ARHGEF37: variants seen among roughly 807,000 people sequenced by gnomAD.
The protein encoded by ARHGEF37 is Rho guanine nucleotide exchange factor (GEF) 37.
A neutral mutation model predicts 71.1 loss-of-function variants in ARHGEF37; 55 were observed. The observed-to-expected ratio is 0.77, with a 90% CI of 0.62 to 0.97. The LOEUF is 0.97. ARHGEF37 is among the 50% of genes least tolerant of loss of function. The pLI, the probability that ARHGEF37 is intolerant of heterozygous loss-of-function variation, is 0.00. For missense variants in ARHGEF37, 765 were observed against 836.8 expected, an observed-to-expected ratio of 0.91 and a Z score of 1.06; for synonymous variants, 327 against 350.6, an observed-to-expected ratio of 0.93 and a Z score of 0.75.
At chr5:149,603,692 T>G (rs12516409) in intron 3 of ARHGEF37, among the ~76,000 whole-genome samples, 40,307 of 152,100 alleles carry the variant, frequency 0.27, 6,435 homozygotes, top group Admixed American at 0.44. Context: ...TCCCAGCACT[T>G]TGGGAAGCTA....
intron 10 of ARHGEF37, 185 bp from the exon 11 acceptor site, chr5:149,626,891 G>A (rs1321902134): frequency 2.6e-5 from 12 of 468,514 alleles, no homozygotes; most frequent in South Asian, 1.4e-4. Flanking sequence ...CCAAAACGCC[G>A]TAGGCTGCTA....
At chr5:149,603,765 G>A (rs949723887) in intron 3 of ARHGEF37, among the ~76,000 whole-genome samples, 2 of 152,038 alleles carry the variant, frequency 1.3e-5, no homozygotes, top group Non-Finnish European at 2.9e-5. Flanking sequence ...GTGAAACCCC[G>A]TCTCTACTAA....
rs58959997 is a variant in ARHGEF37, at chr5:149,558,691, A to ATGTG, written c.-12+6612_-12+6615dup. The stretch of plus-strand genomic sequence containing the variant: ...ATGATCTTTAAAAAACCATATATAT[A>ATGTG]TGTGTGTGTGTGTGTGTGTGTGTGT... On this transcript the variant is annotated intron_variant, in intron 1 of 2. Transcript: ENST00000505810. Among the ~76,000 whole-genome samples, 469 of 128,042 alleles carry ATGTG rather than the reference A, an allele frequency of 3.7e-3. 3 individuals are homozygous for ATGTG. The highest frequency in any genetic ancestry group is 4.9e-3 in the Admixed American group (66 of 13,408). 84.0% of individuals were successfully genotyped at this position (128,042 alleles called of 152,430 possible).
chr5:149,588,358 A>G (rs531925466), intron 1 of ARHGEF37, among the ~76,000 whole-genome samples: 1 of 152,164 alleles, frequency 6.6e-6, no homozygotes. Flanking sequence ...GTGCAGTGGC[A>G]TGATCTCAGC....
intron 4 of ARHGEF37, among the ~76,000 whole-genome samples, chr5:149,615,027 A>C (rs965629337): frequency 6.6e-6 from 1 of 152,130 alleles, no homozygotes; most frequent in Non-Finnish European, 1.5e-5. Context: ...CCCTTCCCGG[A>C]TGCTATTGAC....
intron 5 of ARHGEF37, among the ~76,000 whole-genome samples, chr5:149,617,706 G>A (rs1752417480): frequency 6.6e-6 from 1 of 152,108 alleles, no homozygotes; most frequent in Non-Finnish European, 1.5e-5. Context: ...ACTATATTTA[G>A]CAGCTTTGGA....
intron 4 of ARHGEF37, among the ~76,000 whole-genome samples, chr5:149,615,639 T>C (rs193219972): frequency 1.3e-5 from 2 of 152,124 alleles, no homozygotes; most frequent in African/African-American, 4.8e-5. Context: ...CACCTGTAAT[T>C]CCAGCACTTT....
chr5:149,594,718 GGAT>G (rs2113296434), intron 1 of ARHGEF37, among the ~76,000 whole-genome samples: 1 of 152,212 alleles, frequency 6.6e-6, no homozygotes, highest in East Asian at 1.9e-4. Context: ...AGGTTACATG[GGAT>G]CTGTGCCATT....
intron 4 of ARHGEF37, among the ~76,000 whole-genome samples, chr5:149,611,579 G>A (rs563285096): frequency 4.6e-5 from 7 of 152,370 alleles, no homozygotes; most frequent in African/African-American, 1.7e-4. Flanking sequence ...CCATGGTGGT[G>A]GATGTGGCTT....
At chr5:149,596,430 G>C (rs1327199707) in intron 1 of ARHGEF37, among the ~76,000 whole-genome samples, 1 of 151,942 alleles carries the variant, frequency 6.6e-6, no homozygotes, top group Non-Finnish European at 1.5e-5. Flanking sequence ...TCAGCCTCCC[G>C]AGTAGCTGGG....
intron 1 of ARHGEF37, among the ~76,000 whole-genome samples, chr5:149,553,315 G>A (rs1205331998): frequency 3.3e-5 from 5 of 152,108 alleles, no homozygotes; most frequent in South Asian, 2.1e-4. Context: ...CAGGAGAATC[G>A]CTTGAACCTG....
chr5:149,558,379 G>A (rs908768954), intron 1 of ARHGEF37, among the ~76,000 whole-genome samples: 9 of 152,040 alleles, frequency 5.9e-5, no homozygotes, highest in Non-Finnish European at 1.0e-4. Flanking sequence ...GGTGGCTTGC[G>A]CCTATAATCC....
intron 4 of ARHGEF37, among the ~76,000 whole-genome samples, chr5:149,613,611 C>T (rs1259562554): frequency 6.6e-6 from 1 of 152,110 alleles, no homozygotes; most frequent in East Asian, 1.9e-4. Context: ...TCCCAAAGTG[C>T]TGGGATTACA....
At chr5:149,566,548 C>A (rs888373395) in intron 1 of ARHGEF37, among the ~76,000 whole-genome samples, 1 of 145,280 alleles carries the variant, frequency 6.9e-6, no homozygotes, top group East Asian at 2.1e-4. Flanking sequence ...ACAACAACAA[C>A]AACAAAAAAC....
chr5:149,564,864 C>T (rs761493288), intron 1 of ARHGEF37, among the ~76,000 whole-genome samples: 1 of 152,114 alleles, frequency 6.6e-6, no homozygotes, highest in Non-Finnish European at 1.5e-5. Context: ...TAGTAGATCC[C>T]ATGGTATGGC....
intron 4 of ARHGEF37, among the ~76,000 whole-genome samples, chr5:149,615,630 A>G (rs1009200602): frequency 6.6e-6 from 1 of 152,038 alleles, no homozygotes. Context: ...GGTGGCTCAC[A>G]CCTGTAATTC....
Position 149,628,906 on chromosome 5 carries a change from C to A in ARHGEF37, c.1758C>A (p.Pro586=), listed in dbSNP as rs1752789659. ...LRRQAGLNKD[P]RCLTPEPSPA... ...GGCAGGCGGGGCTGAACAAAGACCCCCGATGTCTAACACCGGAGCCCAGCC... is the reference window on the plus strand; with the variant it reads ...GGCAGGCGGGGCTGAACAAAGACCCACGATGTCTAACACCGGAGCCCAGCC... The change falls in exon 12 of 13, where the codon CCC becomes CCA. Residue 586 remains proline (P), a synonymous_variant. Transcript: ENST00000333677. 2 of 1,613,314 alleles carry A rather than the reference C, an allele frequency of 1.2e-6. No homozygotes were observed. Among genetic ancestry groups the A allele is most frequent in the South Asian group, 2.2e-5 (2 of 91,046 alleles).
intron 4 of ARHGEF37, among the ~76,000 whole-genome samples, chr5:149,613,550 T>C (rs2113352841): frequency 6.6e-6 from 1 of 152,230 alleles, no homozygotes; most frequent in South Asian, 2.1e-4. Context: ...TTTCACCATG[T>C]TGGCCAGGAT....
chr5:149,556,731 C>G (rs1762762364), intron 1 of ARHGEF37, among the ~76,000 whole-genome samples: 1 of 152,068 alleles, frequency 6.6e-6, no homozygotes, highest in Admixed American at 6.6e-5. Flanking sequence ...CCGTGTTGAC[C>G]AGGCTGGTCT....
Sources: gnomAD v4.1 joint callset for allele counts (sites outside exome capture counted in the v4.1 genomes callset) on GRCh38, gnomAD v4.1.1 for gene constraint, MANE v1.5 for transcripts, NCBI Gene and HGNC (gene_info 2026-07-23, HGNC 2026-07-21) for gene names.